Variants in TNN observed in about 807,000 individuals in gnomAD.
TNN encodes the protein tenascin N.
In TNN, 122 loss-of-function variants were observed where a neutral mutation model predicts 134.4. The observed-to-expected ratio is 0.91, with a 90% confidence interval of 0.78 to 1.06. TNN has a LOEUF of 1.06. TNN is among the 50% of genes least tolerant of loss of function. The pLI is 0.00. For missense variants in TNN, 1,739 were observed against 1,699.4 expected, an observed-to-expected ratio of 1.02 and a Z score of -0.41; for synonymous variants, 710 against 670.3, an observed-to-expected ratio of 1.06 and a Z score of -0.91.
chr1:175,102,664 G>A (rs1674755190), intron 9 of TNN, among the ~76,000 whole-genome samples: 1 of 145,742 alleles, frequency 6.9e-6, no homozygotes, highest in African/African-American at 2.5e-5. Flanking sequence ...CGCAGCCCTG[G>A]TTCCCACTCG....
chr1:175,123,560 C>A lies in TNN; in HGVS notation c.2811C>A (p.Ser937Arg), dbSNP rs1675434582. The change falls in exon 12 of 19, where the codon AGC (serine) becomes AGA (arginine). Residue 937 changes from serine to arginine, a missense_variant. Ser to Arg is a moderately radical substitution (Grantham distance 110, BLOSUM62 -1). Coordinates refer to ENST00000239462, the MANE Select transcript of TNN (RefSeq NM_022093.2). ...TTCCGGTGGGGAAGGAGCACAGCAG[C>A]ACTGTCCTGACGGGCCTGAGACCAG... Reference protein sequence around the residue: ...REVPVGKEHSSTVLTGLRPGM... With the variant: ...REVPVGKEHSRTVLTGLRPGM... 1 of 1,613,896 alleles carries A rather than the reference C, an allele frequency of 6.2e-7. No individual in the cohort carries two copies.
chr1:175,092,442 T>C lies in TNN; in HGVS notation c.1325-1548T>C, dbSNP rs1031246904. 2.0e-5 allele frequency among the ~76,000 whole-genome samples: 3 copies of C among 152,324 alleles called. No homozygotes were observed. In the East Asian group the frequency reaches 5.8e-4, roughly 29 times the overall value. On this transcript the variant is annotated intron_variant, in intron 6 of 18. Coordinates refer to ENST00000239462, the MANE Select transcript of TNN (RefSeq NM_022093.2). The stretch of plus-strand genomic sequence containing the variant: ...AGTGCCAGTCACAGTGAGACTATTG[T>C]CTCACAAGGCAATAGTTCAAGAACG...
chr1:175,070,242 T>C (rs534513333), intron 1 of TNN, among the ~76,000 whole-genome samples: 2 of 152,354 alleles, frequency 1.3e-5, no homozygotes, highest in Admixed American at 6.5e-5. Context: ...TGGCATGTAA[T>C]AAATGCATAG....
In TNN at chr1:175,096,621, T is replaced by C. The variant is rs1674578433; in HGVS notation, c.1589-796T>C. Among the ~76,000 whole-genome samples, 3 of 152,296 alleles carry C rather than the reference T, an allele frequency of 2.0e-5. No individual in the cohort carries two copies. In the South Asian group the frequency reaches 6.2e-4, roughly 32 times the overall value. On this transcript the variant is annotated intron_variant, in intron 7 of 18. Transcript: ENST00000239462. ...ACACACAATTGCTTGGATTTTTGAC[T>C]CCCTAAGGATGTACATTTTGAGGAG... is the stretch of plus-strand genomic sequence containing the variant.
At chr1:175,127,985 G>T in intron 13 of TNN, 47 bp from the exon 14 acceptor site, 1 of 1,612,324 alleles carries the variant, frequency 6.2e-7, no homozygotes, top group South Asian at 1.1e-5. Context: ...GTGCTAGTGG[G>T]TGATAAACTG....
chr1:175,077,076 G>A (rs2149425995), intron 1 of TNN, among the ~76,000 whole-genome samples: 1 of 152,292 alleles, frequency 6.6e-6, no homozygotes, highest in South Asian at 2.1e-4. Flanking sequence ...TCAAAGCGTG[G>A]CACACAATAG....
intron 15 of TNN, among the ~76,000 whole-genome samples, chr1:175,133,482 C>T (rs1215586952): frequency 2.0e-5 from 3 of 152,250 alleles, no homozygotes; most frequent in African/African-American, 7.2e-5. Flanking sequence ...GAGCTCTCAT[C>T]AGTACTTGAC....
chr1:175,087,646 A>T (rs1392753047), intron 6 of TNN, among the ~76,000 whole-genome samples: 1 of 152,186 alleles, frequency 6.6e-6, no homozygotes, highest in Non-Finnish European at 1.5e-5. Flanking sequence ...TTTTCCCCAT[A>T]CACCAGGGAG....
intron 7 of TNN, among the ~76,000 whole-genome samples, chr1:175,095,763 G>A (rs1469211828): frequency 2.0e-5 from 3 of 152,108 alleles, no homozygotes; most frequent in African/African-American, 7.2e-5. Context: ...TAATAGAGAC[G>A]GGTTTTCACT....
chr1:175,118,537 A>T (rs976529131), intron 10 of TNN, 24 bp from the exon 11 acceptor site: 14 of 1,606,808 alleles, frequency 8.7e-6, no homozygotes, highest in African/African-American at 1.4e-5. Context: ...CATAGTGCAT[A>T]TTGGTCAGCA....
intron 6 of TNN, among the ~76,000 whole-genome samples, chr1:175,091,793 T>C (rs182691215): frequency 1.3e-5 from 2 of 152,130 alleles, no homozygotes; most frequent in Non-Finnish European, 2.9e-5. Context: ...TTTTGCCATG[T>C]TGGCCAGGCT....
At position 175,097,382 on chromosome 1, in the gene TNN, A is replaced by G. The variant is rs759500519; in HGVS notation, c.1589-35A>G. 16 of 1,611,892 alleles carry G rather than the reference A, an allele frequency of 9.9e-6. 1 individual carries two copies. The South Asian group carries it at 1.8e-4, about 18-fold the overall frequency. On this transcript the variant is annotated intron_variant, in intron 7 of 18. Transcript: ENST00000239462. ...TGTCTTTATGGAATTAGAGGGTGGT[A>G]AAGGCTACATTCTTCTTTCATCTCT...
intron 9 of TNN, among the ~76,000 whole-genome samples, chr1:175,110,152 T>C (rs1674983626): frequency 6.6e-6 from 1 of 152,250 alleles, no homozygotes; most frequent in African/African-American, 2.4e-5. Flanking sequence ...CATTTGTATG[T>C]CTTCTTTTGA....
In TNN at chr1:175,083,880, A is replaced by G; in HGVS notation, c.1179A>G (p.Val393=). 6.2e-7 allele frequency: 1 copy of G among 1,614,184 alleles called. No homozygotes were observed. The highest frequency in any genetic ancestry group is 8.5e-7 in the Non-Finnish European group (1 of 1,180,038). ...ATGGCCCCATGACAGGACAGGAGGT[A>G]GCTGAGGTCACTGTGCCCAAGAGCA... The part of the protein sequence containing the change: ...LRYGPMTGQE[V]AEVTVPKSSD... Residue 393 remains valine (V), a synonymous_variant, in exon 5 of 19, where the codon GTA becomes GTG. Transcript: ENST00000239462.
chr1:175,105,709 C>T (rs1674832161), intron 9 of TNN, among the ~76,000 whole-genome samples: 1 of 145,582 alleles, frequency 6.9e-6, no homozygotes, highest in Non-Finnish European at 1.5e-5. Context: ...AAATGAGCCT[C>T]CTCTTTTTCA....
intron 6 of TNN, among the ~76,000 whole-genome samples, chr1:175,086,077 T>G (rs1369801458): frequency 6.6e-6 from 1 of 152,196 alleles, no homozygotes; most frequent in African/African-American, 2.4e-5. Context: ...TTTTAATAGC[T>G]TCTATCACCG....
rs753469276 is a variant in TNN at position 175,147,109 on chromosome 1, G to C, written c.*38G>C. On this transcript the variant is annotated 3_prime_UTR_variant, in exon 19 of 19. Transcript: ENST00000239462. ...GCAGTCCTCGCAGGAGACACCACCAGCTGTGGCAGCTTGGGGCGGGGTGGG... is the reference window on the plus strand; with the variant it reads ...GCAGTCCTCGCAGGAGACACCACCACCTGTGGCAGCTTGGGGCGGGGTGGG... The C allele has an allele frequency of 6.7e-7, 1 of 1,493,002 alleles. No individual in the cohort carries two copies. Among genetic ancestry groups the C allele is most frequent in the African/African-American group, 1.4e-5 (1 of 71,532 alleles). 92.5% of individuals were successfully genotyped at this position (1,493,002 alleles called of 1,614,324 possible). A position where few individuals can be genotyped will look rare whatever the true frequency, so the allele number is the denominator to read the frequency against.
Position 175,128,590 on chromosome 1 carries a change from C to G in TNN, c.3179-5C>G, listed in dbSNP as rs775420349. The stretch of plus-strand genomic sequence containing the variant: ...CTAACAACACTCTCTCTGCTTGGCT[C>G]CCAGTTGGTGCCCGTTTCCCACACC... On this transcript the variant is annotated splice_polypyrimidine_tract_variant and splice_region_variant and intron_variant, in intron 14 of 18. Transcript: ENST00000239462. The G allele has an allele frequency of 6.2e-7, 1 of 1,608,886 alleles. No homozygotes were observed. Among genetic ancestry groups the G allele is most frequent in the Non-Finnish European group, 8.5e-7 (1 of 1,177,342 alleles).
chr1:175,130,513 G>T (rs779285660), intron 15 of TNN, among the ~76,000 whole-genome samples: 1 of 152,174 alleles, frequency 6.6e-6, no homozygotes, highest in Non-Finnish European at 1.5e-5. Flanking sequence ...GTCCCTTCAG[G>T]CCTGCAGCCC....
Sources: allele counts gnomAD v4.1 joint callset (sites outside exome capture counted in the v4.1 genomes callset), GRCh38; gene constraint gnomAD v4.1.1; transcripts MANE v1.5; gene names NCBI Gene and HGNC (gene_info 2026-07-23, HGNC 2026-07-21).